EYA1: variants seen among roughly 807,000 people sequenced by gnomAD.
EYA1 encodes EYA transcriptional coactivator and phosphatase 1, also known as protein phosphatase EYA1.
A neutral mutation model predicts 82.0 loss-of-function variants in EYA1; 16 were observed. The observed-to-expected ratio is 0.20, with a 90% CI of 0.13 to 0.30. EYA1 has a LOEUF of 0.30. Among genes scored for constraint, EYA1 ranks in the 10% least tolerant of loss-of-function variants. The probability of loss-of-function intolerance (pLI) is 1.00; values close to 1 mark genes in which losing one functional copy is unlikely to be tolerated. For synonymous variants in EYA1, 261 were observed against 264.4 expected (o/e 0.99, Z 0.12); for missense variants, 633 against 730.7 (o/e 0.87, Z 1.54).
intron 2 of EYA1, among the ~76,000 whole-genome samples, chr8:71,471,482 C>A (rs1043933000): frequency 6.6e-6 from 1 of 151,822 alleles, no homozygotes; most frequent in African/African-American, 2.4e-5. Context: ...CATATCTATA[C>A]CTATATATAG....
At chr8:71,235,156 G>A (rs1811674078) in intron 12 of EYA1, among the ~76,000 whole-genome samples, 1 of 152,122 alleles carries the variant, frequency 6.6e-6, no homozygotes, top group African/African-American at 2.4e-5. Flanking sequence ...TCTCTTAATT[G>A]GTCTCATTGG....
chr8:71,407,828 T>C (rs940970419), intron 2 of EYA1, among the ~76,000 whole-genome samples: 3 of 148,390 alleles, frequency 2.0e-5, no homozygotes, highest in African/African-American at 7.4e-5. Flanking sequence ...ACTTCCCCAA[T>C]CTAGCAAGGC....
At chr8:71,268,272 C>T (rs1176714807) in intron 11 of EYA1, among the ~76,000 whole-genome samples, 1 of 152,194 alleles carries the variant, frequency 6.6e-6, no homozygotes, top group Non-Finnish European at 1.5e-5. Context: ...CTCTTTTCAA[C>T]ACTCTTGTGT....
intron 12 of EYA1, among the ~76,000 whole-genome samples, chr8:71,241,091 A>G (rs1055582691): frequency 1.3e-5 from 2 of 152,238 alleles, no homozygotes; most frequent in African/African-American, 4.8e-5. Context: ...ACGGAACTAA[A>G]GTCGAAACCC....
chr8:71,387,876 T>C (rs913797274), intron 2 of EYA1, among the ~76,000 whole-genome samples: 1 of 151,954 alleles, frequency 6.6e-6, no homozygotes, highest in Non-Finnish European at 1.5e-5. Flanking sequence ...ACAATTAGGG[T>C]GAGTGTGTAA....
At chr8:71,545,859 C>T (rs183689545) in intron 1 of EYA1, among the ~76,000 whole-genome samples, 7 of 152,164 alleles carry the variant, frequency 4.6e-5, no homozygotes, top group Non-Finnish European at 7.4e-5. Flanking sequence ...TGTGCCCGGC[C>T]TTTTTTCCCT....
At chr8:71,372,938 A>G (rs1179822814) in intron 2 of EYA1, among the ~76,000 whole-genome samples, 3 of 152,118 alleles carry the variant, frequency 2.0e-5, no homozygotes, top group African/African-American at 7.2e-5. Context: ...ACATTCTTTC[A>G]TGGTAAAAAC....
intron 1 of EYA1, among the ~76,000 whole-genome samples, chr8:71,546,488 G>A (rs997710571): frequency 1.3e-5 from 2 of 151,220 alleles, no homozygotes; most frequent in East Asian, 3.9e-4. Flanking sequence ...TCTGTGCTTA[G>A]TAGACACTTT....
chr8:71,248,206 A>G (rs1487440302), intron 11 of EYA1, among the ~76,000 whole-genome samples: 1 of 152,150 alleles, frequency 6.6e-6, no homozygotes, highest in Admixed American at 6.5e-5. Flanking sequence ...ATTCCTCAAC[A>G]GTTTTTATAC....
intron 2 of EYA1, chr8:71,530,926 A>G (rs2129282966): frequency 6.6e-6 from 1 of 152,302 alleles, no homozygotes; most frequent in South Asian, 2.1e-4. Context: ...GATCTAGAAT[A>G]TCATCATCTA....
chr8:71,502,506 AT>A lies in EYA1; in HGVS notation c.33+33237del, dbSNP rs1396940203. Among the ~76,000 whole-genome samples the A allele has an allele frequency of 2.6e-5, 4 of 152,254 alleles. No homozygotes were observed. In the East Asian group the frequency reaches 5.8e-4, roughly 22 times the overall value. ...GATATTTGAATTTCAGATAAATTAA[AT>A]TTGAATTGCAGAATAATTTTGAGTA... is the stretch of plus-strand genomic sequence containing the variant. On this transcript the variant is annotated intron_variant, in intron 2 of 18. Transcript: ENST00000643681.
At chr8:71,523,464 T>C (rs1032463536) in intron 2 of EYA1, among the ~76,000 whole-genome samples, 1 of 152,102 alleles carries the variant, frequency 6.6e-6, no homozygotes, top group African/African-American at 2.4e-5. Context: ...AGGCGTGACC[T>C]ACCGCGCCCG....
chr8:71,479,306 G>A (rs918047127), intron 2 of EYA1, among the ~76,000 whole-genome samples: 6 of 152,024 alleles, frequency 3.9e-5, no homozygotes, highest in African/African-American at 1.4e-4. Context: ...TGCTCAAATT[G>A]CACCTTCCCC....
At chr8:71,419,182 T>C (rs533638525) in intron 2 of EYA1, among the ~76,000 whole-genome samples, 1 of 152,260 alleles carries the variant, frequency 6.6e-6, no homozygotes, top group Non-Finnish European at 1.5e-5. Context: ...TCACCATTGC[T>C]ACTGTGCAGA....
At chr8:71,419,909 C>T (rs1000243965) in intron 2 of EYA1, among the ~76,000 whole-genome samples, 9 of 152,040 alleles carry the variant, frequency 5.9e-5, no homozygotes, top group African/African-American at 2.2e-4. Flanking sequence ...CATTAATTAT[C>T]TTGTCTGTTT....
At chr8:71,395,830 C>G (rs867382899) in intron 2 of EYA1, among the ~76,000 whole-genome samples, 3 of 152,210 alleles carry the variant, frequency 2.0e-5, no homozygotes, top group Non-Finnish European at 4.4e-5. Flanking sequence ...AGTATTCCCT[C>G]TTTTTCTATT....
At chr8:71,401,834 A>T (rs1373426366) in intron 2 of EYA1, among the ~76,000 whole-genome samples, 2 of 152,168 alleles carry the variant, frequency 1.3e-5, no homozygotes, top group Admixed American at 1.3e-4. Flanking sequence ...ATTTTTACTA[A>T]GCCCCACTTA....
chr8:71,409,128 G>A (rs1331187097), intron 2 of EYA1, among the ~76,000 whole-genome samples: 1 of 89,602 alleles, frequency 1.1e-5, no homozygotes, highest in South Asian at 3.6e-4. Flanking sequence ...TGACTACTGG[G>A]TACATAACGA....
At chr8:71,222,425 C>T (rs186641188) in intron 12 of EYA1, among the ~76,000 whole-genome samples, 14 of 152,350 alleles carry the variant, frequency 9.2e-5, no homozygotes, top group African/African-American at 3.4e-4. Context: ...CCCGCTGTTC[C>T]CAGTCAGAGG....
Sources: gnomAD v4.1 joint callset for allele counts (sites outside exome capture counted in the v4.1 genomes callset) on GRCh38, gnomAD v4.1.1 for gene constraint, MANE v1.5 for transcripts, NCBI Gene and HGNC (gene_info 2026-07-23, HGNC 2026-07-21) for gene names.